SNAI2: variants seen among roughly 807,000 people sequenced by gnomAD.
SNAI2 encodes zinc finger protein SNAI2.
In SNAI2, 2 loss-of-function variants were observed where a neutral mutation model predicts 22.4. The ratio of observed to expected loss-of-function variants is 0.09; its 90% confidence interval spans 0.04 to 0.28. The LOEUF is 0.28. Ranked by LOEUF, SNAI2 falls within the 10% of genes least tolerant of loss-of-function variation. The pLI is 1.00. For missense variants in SNAI2, 239 were observed against 320.8 expected, an observed-to-expected ratio of 0.75 and a Z score of 1.95; for synonymous variants, 134 against 123.0, an observed-to-expected ratio of 1.09 and a Z score of -0.59.
In SNAI2 at chr8:48,920,434, A is replaced by T. The variant is rs1399924105; in HGVS notation, c.87T>A (p.Ile29=). 1 of 1,613,956 alleles carries T rather than the reference A, an allele frequency of 6.2e-7. No individual in the cohort carries two copies. The highest frequency in any genetic ancestry group is 1.7e-5 in the Admixed American group (1 of 60,024). ...AGTAACTCTCATAGAGATACGGGGA[A>T]ATAATCACTGGGAAAGAAAAGGGAG... ...YSELDTHTVI[I]SPYLYESYSM... The change falls in exon 2 of 3, where the codon ATT becomes ATA. Residue 29 remains isoleucine, a synonymous_variant. Coordinates refer to ENST00000020945, the MANE Select transcript of SNAI2 (RefSeq NM_003068.5).
At chr8:48,919,068 G>GTCAA in intron 2 of SNAI2, 80 bp from the exon 3 acceptor site, 5 of 1,402,886 alleles carry the variant, frequency 3.6e-6, no homozygotes, top group Non-Finnish European at 5.0e-6. Context: ...GTTAACAAAA[G>GTCAA]TCAATCACAT....
Position 48,921,313 on chromosome 8 carries a change from G to A in SNAI2, c.-48C>T. ...GCCCGGCGCGGATAACGGTCCGGCG[G>A]GAGGACACGGCGGTCCCTACAGCAT... On this transcript the variant is annotated 5_prime_UTR_variant, in exon 1 of 3. Coordinates refer to ENST00000020945, the MANE Select transcript of SNAI2 (RefSeq NM_003068.5). The A allele has an allele frequency of 6.9e-7, 1 of 1,441,672 alleles. No homozygotes were observed. The highest frequency in any genetic ancestry group is 9.7e-7 in the Non-Finnish European group (1 of 1,030,438). The allele number at this position is 1,441,672 out of a possible 1,614,324, so 89.3% of individuals were successfully genotyped here.
rs373285105 is a variant in SNAI2 at position 48,919,810 on chromosome 8, T to C, written c.625+86A>G. On this transcript the variant is annotated intron_variant, in intron 2 of 2. Transcript: ENST00000020945. ...TGACTGTCCATCATTAAAAGCACTA[T>C]GTCACAACTTCATGCAAATCCAACA... 9.5e-6 allele frequency: 13 copies of C among 1,368,962 alleles called. No individual in the cohort carries two copies. In the African/African-American group the frequency reaches 1.8e-4, roughly 19 times the overall value. The allele number at this position is 1,368,962 out of a possible 1,614,324, so 84.8% of individuals were successfully genotyped here.
chr8:48,920,911 T>C (rs1322171502), intron 1 of SNAI2, among the ~76,000 whole-genome samples: 1 of 152,220 alleles, frequency 6.6e-6, no homozygotes, highest in Non-Finnish European at 1.5e-5. Flanking sequence ...ATGTTGCTCA[T>C]CTTTCACATA....
rs1053260800 is a variant in SNAI2 at position 48,917,650 on chromosome 8, C to T, written c.*1157G>A. The T allele has an allele frequency of 6.6e-6, 1 of 152,090 alleles. No individual in the cohort carries two copies. The highest frequency in any genetic ancestry group is 2.4e-5 in the African/African-American group (1 of 41,432). 9.4% of individuals were successfully genotyped at this position (152,090 alleles called of 1,614,324 possible). ...TTATAATCTAACACATAAAATAACA[C>T]TTCAGATGCATAATAAGCATTATTC... On this transcript the variant is annotated 3_prime_UTR_variant, in exon 3 of 3. Transcript: ENST00000020945.
chr8:48,921,101 T>C lies in SNAI2; in HGVS notation c.79+86A>G, dbSNP rs1806155315. 5.0e-6 allele frequency: 5 copies of C among 1,005,546 alleles called. No individual in the cohort carries two copies. The Admixed American group carries it at 8.5e-5, about 17-fold the overall frequency. 62.3% of individuals were successfully genotyped at this position (1,005,546 alleles called of 1,614,324 possible). ...GAAAACAGTTGAATCTTTGGCTCTT[T>C]TGTAATGGTATTTGAAGGGTAATAC... On this transcript the variant is annotated intron_variant, in intron 1 of 2. Transcript: ENST00000020945.
At position 48,918,736 on chromosome 8, in the gene SNAI2, TG is replaced by T; in HGVS notation, c.*70del. 6.4e-7 allele frequency: 1 copy of T among 1,559,962 alleles called. No individual in the cohort carries two copies. On this transcript the variant is annotated 3_prime_UTR_variant, in exon 3 of 3. Transcript: ENST00000020945. ...TGGTCAGCACAGGAGAAAATGCCTT[TG>T]GACTTTATTTGTCATTTGGCTTCGG...
At position 48,918,303 on chromosome 8, in the gene SNAI2, A is replaced by C. The variant is rs746249869; in HGVS notation, c.*504T>G. 3 of 156,484 alleles carry C rather than the reference A, an allele frequency of 1.9e-5. No individual in the cohort carries two copies. Among genetic ancestry groups the C allele is most frequent in the Non-Finnish European group, 4.2e-5 (3 of 70,610 alleles). 9.7% of individuals were successfully genotyped at this position (156,484 alleles called of 1,614,324 possible). A position where few individuals can be genotyped will look rare whatever the true frequency, so the allele number is the denominator to read the frequency against. On this transcript the variant is annotated 3_prime_UTR_variant, in exon 3 of 3. Coordinates refer to ENST00000020945, the MANE Select transcript of SNAI2 (RefSeq NM_003068.5). ...CTACAGGTAATCAAAAAAAGGCTTT[A>C]GTTCAACAATGGCAACCAGACAACC...
At chr8:48,919,198 A>G (rs1240032210) in intron 2 of SNAI2, among the ~76,000 whole-genome samples, 1 of 152,256 alleles carries the variant, frequency 6.6e-6, no homozygotes. Flanking sequence ...ATACACGAAT[A>G]TTATTACTGC....
intron 2 of SNAI2, 90 bp downstream of exon 2, chr8:48,919,806 A>G: frequency 7.5e-7 from 1 of 1,327,656 alleles, no homozygotes; most frequent in Non-Finnish European, 1.1e-6. Context: ...CATTAAAAGC[A>G]CTATGTCACA....
At chr8:48,919,489 A>G (rs1465134574) in intron 2 of SNAI2, among the ~76,000 whole-genome samples, 1 of 152,260 alleles carries the variant, frequency 6.6e-6, no homozygotes, top group Non-Finnish European at 1.5e-5. Context: ...CGGGTGACAA[A>G]TATCAGAGCA....
chr8:48,920,320 G>T lies in SNAI2; in HGVS notation c.201C>A (p.Ala67=), dbSNP rs376110241. The T allele has an allele frequency of 6.2e-7, 1 of 1,611,724 alleles. No individual in the cohort carries two copies. Among genetic ancestry groups the T allele is most frequent in the South Asian group, 1.1e-5 (1 of 90,978 alleles). Reference sequence around the variant, plus strand: ...GAGGAGAGAGGCCATTGGGTAGCTGGGCGTGGAATGGAGCAGCGGTAGTCC... The same window carrying T: ...GAGGAGAGAGGCCATTGGGTAGCTGTGCGTGGAATGGAGCAGCGGTAGTCC... ...TVWTTAAPFH[A]QLPNGLSPLS... The change falls in exon 2 of 3, where the codon GCC becomes GCA. Residue 67 remains alanine, a synonymous_variant. Transcript: ENST00000020945.
chr8:48,920,924 CATT>C (rs1806153645), intron 1 of SNAI2, among the ~76,000 whole-genome samples: 2 of 152,182 alleles, frequency 1.3e-5, no homozygotes, highest in African/African-American at 4.8e-5. Flanking sequence ...TTCACATACT[CATT>C]ATGCATGTAT....
At position 48,920,338 on chromosome 8, in the gene SNAI2, G is replaced by A; in HGVS notation, c.183C>T (p.Thr61=). The A allele has an allele frequency of 2.5e-6, 4 of 1,612,860 alleles. No homozygotes were observed. Among genetic ancestry groups the A allele is most frequent in the Non-Finnish European group, 3.4e-6 (4 of 1,179,102 alleles). ...GTAGCTGGGCGTGGAATGGAGCAGC[G>A]GTAGTCCACACAGTGATGGGGCTGT... ...GAYSPITVWT[T]AAPFHAQLPN... Residue 61 remains threonine, a synonymous_variant, in exon 2 of 3, where the codon ACC becomes ACT. Transcript: ENST00000020945.
In SNAI2 at chr8:48,920,110, A is replaced by G; in HGVS notation, c.411T>C (p.Tyr137=). 1 of 1,614,236 alleles carries G rather than the reference A, an allele frequency of 6.2e-7. No individual in the cohort carries two copies. The highest frequency in any genetic ancestry group is 8.5e-7 in the Non-Finnish European group (1 of 1,180,046). The part of the protein sequence containing the change: ...KFQCNLCNKT[Y]STFSGLAKHK... ...GTTTGGCCAGCCCAGAAAAAGTTGA[A>G]TAGGTCTTATTGCATAAATTGCACT... The change falls in exon 2 of 3, where the codon TAT becomes TAC. Residue 137 remains tyrosine (Y), a synonymous_variant. Transcript: ENST00000020945.
In SNAI2 at chr8:48,918,768, A is replaced by C; in HGVS notation, c.*39T>G. The C allele has an allele frequency of 6.2e-7, 1 of 1,610,832 alleles. No homozygotes were observed. On this transcript the variant is annotated 3_prime_UTR_variant, in exon 3 of 3. Coordinates refer to ENST00000020945, the MANE Select transcript of SNAI2 (RefSeq NM_003068.5). ...TATTTGTCATTTGGCTTCGGAGTGA[A>C]GAAATGCATTCTGTTCGAGTAAACA...
In SNAI2 at chr8:48,921,389, C is replaced by G; in HGVS notation, c.-124G>C. 1 of 766,328 alleles carries G rather than the reference C, an allele frequency of 1.3e-6. No homozygotes were observed. The allele number at this position is 766,328 out of a possible 1,614,324, so 47.5% of individuals were successfully genotyped here. A position where few individuals can be genotyped will look rare whatever the true frequency, so the allele number is the denominator to read the frequency against. ...GCCGTGCTCAGGTGCGGCAGACGGA[C>G]GGGCCGGCGCCTCTGAAGTCACCCG... On this transcript the variant is annotated 5_prime_UTR_variant, in exon 1 of 3. Transcript: ENST00000020945.
chr8:48,918,045 C>T lies in SNAI2; in HGVS notation c.*762G>A, dbSNP rs899343321. On this transcript the variant is annotated 3_prime_UTR_variant, in exon 3 of 3. Transcript: ENST00000020945. ...ACATTAATGAATTTGTAAGAATCCT[C>T]TTTTGCACTTATTCCCATCTTTAAT... 2 of 152,206 alleles carry T rather than the reference C, an allele frequency of 1.3e-5. No individual in the cohort carries two copies. The highest frequency in any genetic ancestry group is 1.5e-5 in the Non-Finnish European group (1 of 68,040). 9.4% of individuals were successfully genotyped at this position (152,206 alleles called of 1,614,324 possible).
chr8:48,919,842 C>G, intron 2 of SNAI2, 54 bp downstream of exon 2: 2 of 1,566,352 alleles, frequency 1.3e-6, no homozygotes, highest in Non-Finnish European at 1.8e-6. Flanking sequence ...AACAGCCAGC[C>G]CAGGGCTTCA....
Sources: gnomAD v4.1 joint callset for allele counts (sites outside exome capture counted in the v4.1 genomes callset) on GRCh38, gnomAD v4.1.1 for gene constraint, MANE v1.5 for transcripts, NCBI Gene and HGNC (gene_info 2026-07-23, HGNC 2026-07-21) for gene names.